Variants in MUC3A observed in about 807,000 individuals in gnomAD.
MUC3A encodes the protein mucin-3A.
In MUC3A, 109 loss-of-function variants were observed where a neutral mutation model predicts 109.0. The ratio of observed to expected loss-of-function variants is 1.00; its 90% CI spans 0.86 to 1.17. The LOEUF is 1.17. MUC3A is among the 50% of genes most tolerant of loss of function. The pLI, the probability that MUC3A is intolerant of heterozygous loss-of-function variation, is 0.00. For missense variants in MUC3A, 3,537 were observed against 2,469.4 expected (o/e 1.43, Z -9.16); for synonymous variants, 1,398 against 981.4 (o/e 1.42, Z -7.93).
chr7:100,959,461 C>G lies in MUC3A; in HGVS notation c.7682C>G (p.Thr2561Ser). The change falls in exon 2 of 12, where the codon ACC becomes AGC. Residue 2561 changes from threonine to serine, a missense_variant. Physicochemically the swap from Thr to Ser is moderately conservative, Grantham distance 58. Transcript: ENST00000379458. ...ATGACCCTCAGAATTACTGAGAACA[C>G]CCCAATCAGTTCCTTTAGCACAAGT... ...VRMTLRITENTPISSFSTSIV... is the reference protein window; with the variant it reads ...VRMTLRITENSPISSFSTSIV... The G allele has an allele frequency of 6.4e-7, 1 of 1,570,106 alleles. No homozygotes were observed. Among genetic ancestry groups the G allele is most frequent in the Non-Finnish European group, 8.6e-7 (1 of 1,167,722 alleles).
chr7:100,966,332 G>A (rs1207823862), intron 8 of MUC3A, 54 bp from the exon 9 acceptor site: 3 of 1,264,426 alleles, frequency 2.4e-6, no homozygotes, highest in African/African-American at 1.6e-5. Flanking sequence ...CCAGGTGCAC[G>A]GGTGGACCCC....
intron 3 of MUC3A, among the ~76,000 whole-genome samples, chr7:100,962,557 G>C (rs1054716456): frequency 6.6e-6 from 1 of 152,308 alleles, no homozygotes; most frequent in East Asian, 1.9e-4. Context: ...AGCCAGGAGG[G>C]ACCACAGGCT....
intron 5 of MUC3A, 124 bp downstream of exon 5, chr7:100,963,876 G>A (rs1445978905): frequency 8.6e-6 from 12 of 1,400,138 alleles, no homozygotes; most frequent in African/African-American, 5.7e-5. Context: ...GGGTACATAA[G>A]GAATCACTCC....
Position 100,958,296 on chromosome 7 carries a change from C to A in MUC3A, c.6517C>A (p.His2173Asn). The change falls in exon 2 of 12, where the codon CAC (histidine) becomes AAC (asparagine). Residue 2173 changes from histidine (H) to asparagine (N), a missense_variant. Transcript: ENST00000379458. ...GATCACCACCACGGAGACCACCTCA[C>A]ACAGGTGGGGGACCACCGAGACCAC... is the stretch of plus-strand genomic sequence containing the variant. The part of the protein sequence containing the change: ...SLITTTETTS[H>N]RWGTTETTSY... The A allele has an allele frequency of 4.9e-6, 1 of 205,980 alleles. No individual in the cohort carries two copies. The highest frequency in any genetic ancestry group is 2.1e-4 in the African/African-American group (1 of 4,852). 12.8% of individuals were successfully genotyped at this position (205,980 alleles called of 1,614,324 possible).
chr7:100,962,007 C>T (rs1357944391), intron 3 of MUC3A, among the ~76,000 whole-genome samples: 3 of 31,192 alleles, frequency 9.6e-5, no homozygotes, highest in Admixed American at 1.1e-3. Flanking sequence ...CCGAGGCGGG[C>T]GGATCACGAG....
chr7:100,964,772 A>G lies in MUC3A; in HGVS notation c.9311A>G (p.Gln3104Arg), dbSNP rs759045599. 1 of 1,598,460 alleles carries G rather than the reference A, an allele frequency of 6.3e-7. No individual in the cohort carries two copies. The highest frequency in any genetic ancestry group is 1.1e-5 in the South Asian group (1 of 91,088). The stretch of plus-strand genomic sequence containing the variant: ...CCCCAGCTGGAGAGCGAGTATGAGC[A>G]GGTGAAGACCACGCTGAAGGAGGGG... ...FSPQLESEYE[Q>R]VKTTLKEGLQ... The change falls in exon 6 of 12, where the codon CAG becomes CGG. Residue 3104 changes from glutamine (Q) to arginine (R), a missense_variant. Gln to Arg is a conservative substitution (Grantham distance 43). Transcript: ENST00000379458.
Position 100,965,752 on chromosome 7 carries a change from CCT to C in MUC3A, c.9498_9499del (p.Leu3167GlyfsTer109). The C allele has an allele frequency of 1.3e-6, 2 of 1,598,454 alleles. No homozygotes were observed. The highest frequency in any genetic ancestry group is 1.7e-6 in the Non-Finnish European group (2 of 1,179,788). ...ACGGGCTATGAAGAGTTCTACTTCC[CCT>C]TGGTGGAGGCCACCCGGCTCCGCTG... On this transcript the variant is annotated frameshift_variant, in exon 8 of 12. Transcript: ENST00000379458. LOFTEE classifies it high-confidence loss of function.
intron 9 of MUC3A, 25 bp from the exon 10 acceptor site, chr7:100,966,627 C>G: frequency 6.3e-7 from 1 of 1,598,472 alleles, no homozygotes; most frequent in Non-Finnish European, 8.5e-7. Context: ...CCGGCTCTGT[C>G]TGACCGCGCG....
At chr7:100,961,498 C>T (rs1454020184) in intron 3 of MUC3A, among the ~76,000 whole-genome samples, 1 of 149,156 alleles carries the variant, frequency 6.7e-6, no homozygotes, top group Non-Finnish European at 1.5e-5. Context: ...GATAACTTTG[C>T]CTCCTCCCCA....
At position 100,957,797 on chromosome 7, in the gene MUC3A, T is replaced by C. The variant is rs1792141826; in HGVS notation, c.6018T>C (p.Thr2006=). ...ITTTTTTSHS[T]PSFTSSITTT... The stretch of plus-strand genomic sequence containing the variant: ...CAACCACCACCACCTCACACAGTAC[T>C]CCCAGCTTCACTTCTTCCATCACCA... The change falls in exon 2 of 12, where the codon ACT becomes ACC. Residue 2006 remains threonine, a synonymous_variant. Transcript: ENST00000379458. 7.2e-6 allele frequency: 8 copies of C among 1,114,688 alleles called. No homozygotes were observed. Among genetic ancestry groups the C allele is most frequent in the Middle Eastern group, 3.9e-4 (2 of 5,146 alleles). 69.0% of individuals were successfully genotyped at this position (1,114,688 alleles called of 1,614,324 possible). A position where few individuals can be genotyped will look rare whatever the true frequency, so the allele number is the denominator to read the frequency against.
rs560200763 is a variant in MUC3A, at chr7:100,959,728, C to A, written c.7949C>A (p.Thr2650Asn). 4 of 1,598,420 alleles carry A rather than the reference C, an allele frequency of 2.5e-6. No homozygotes were observed. In the East Asian group the frequency reaches 8.9e-5, roughly 36 times the overall value. ...QTTPSTPSLQ[T>N]SLTSTSEFTT... is the part of the protein sequence containing the mutation. ...ACTCCTTCTACTCCCTCATTGCAAA[C>A]TTCACTCACATCTACAAGTGAGTTC... The change falls in exon 2 of 12, where the codon ACT (threonine) becomes AAT (asparagine). Residue 2650 changes from threonine to asparagine, a missense_variant. Transcript: ENST00000379458.
chr7:100,955,168 C>G lies in MUC3A; in HGVS notation c.3389C>G (p.Thr1130Arg), dbSNP rs1217177120. 2 of 578,914 alleles carry G rather than the reference C, an allele frequency of 3.5e-6. No individual in the cohort carries two copies. Among genetic ancestry groups the G allele is most frequent in the Non-Finnish European group, 6.1e-6 (2 of 329,138 alleles). 35.9% of individuals were successfully genotyped at this position (578,914 alleles called of 1,614,324 possible). A position where few individuals can be genotyped will look rare whatever the true frequency, so the allele number is the denominator to read the frequency against. Residue 1130 changes from threonine to arginine, a missense_variant, in exon 2 of 12, where the codon ACA (threonine) becomes AGA (arginine). Transcript: ENST00000379458. ...TCTTCCTCTCTCCCAACCACAGAAACAGCCACGATGACTCCTACCACAACC... is the reference window on the plus strand; with the variant it reads ...TCTTCCTCTCTCCCAACCACAGAAAGAGCCACGATGACTCCTACCACAACC... Reference protein sequence around the residue: ...PTSSSLPTTETATMTPTTTLI... With the variant: ...PTSSSLPTTERATMTPTTTLI...
At chr7:100,961,125 G>T (rs2116206877) in intron 3 of MUC3A, 188 bp downstream of exon 3, 1 of 966,270 alleles carries the variant, frequency 1.0e-6, no homozygotes, top group Non-Finnish European at 1.2e-6. Flanking sequence ...CTTAGGAGGT[G>T]GCTGGGACTA....
At position 100,963,140 on chromosome 7, in the gene MUC3A, G is replaced by C. The variant is rs1367258940; in HGVS notation, c.9053-11G>C. On this transcript the variant is annotated splice_polypyrimidine_tract_variant and intron_variant, in intron 3 of 11. Transcript: ENST00000379458. ...CAGAGAAGTGACTGGGGACATGCAT[G>C]CTCTGTGTAGATGTAGTGGAGACCG... The C allele has an allele frequency of 8.1e-6, 13 of 1,597,540 alleles. No homozygotes were observed. The highest frequency in any genetic ancestry group is 7.6e-6 in the Non-Finnish European group (9 of 1,179,470).
At position 100,966,436 on chromosome 7, in the gene MUC3A, C is replaced by A; in HGVS notation, c.9662C>A (p.Ala3221Asp). Residue 3221 changes from alanine (A) to aspartate (D), a missense_variant, in exon 9 of 12, where the codon GCC (alanine) becomes GAC (aspartate). Coordinates refer to ENST00000379458, the MANE Select transcript of MUC3A (RefSeq NM_005960.2). The stretch of plus-strand genomic sequence containing the variant: ...TTCTCTGGCCCGCGCTGCGAGGTGG[C>A]CGTCCACTGGAGGGCGCTGGTCGGG... Reference protein sequence around the residue: ...HWFSGPRCEVAVHWRALVGGL... With the variant: ...HWFSGPRCEVDVHWRALVGGL... 1 of 1,349,292 alleles carries A rather than the reference C, an allele frequency of 7.4e-7. No individual in the cohort carries two copies. The highest frequency in any genetic ancestry group is 9.5e-7 in the Non-Finnish European group (1 of 1,057,970). The allele number at this position is 1,349,292 out of a possible 1,614,324, so 83.6% of individuals were successfully genotyped here.
rs1461062018 is a variant in MUC3A at position 100,956,065 on chromosome 7, C to T, written c.4286C>T (p.Thr1429Ile). 2.2e-6 allele frequency: 1 copy of T among 447,566 alleles called. No homozygotes were observed. Among genetic ancestry groups the T allele is most frequent in the African/African-American group, 2.0e-5 (1 of 49,510 alleles). The allele number at this position is 447,566 out of a possible 1,614,324, so 27.7% of individuals were successfully genotyped here. Reference sequence around the variant, plus strand: ...TTATCTTCTACACCTGTCCCAAGCACAGAGGTGACCACCAGTCATACCACA... The same window carrying T: ...TTATCTTCTACACCTGTCCCAAGCATAGAGGTGACCACCAGTCATACCACA... ...SILSSTPVPS[T>I]EVTTSHTTNT... is the part of the protein sequence containing the mutation. The change falls in exon 2 of 12, where the codon ACA (threonine) becomes ATA (isoleucine). Residue 1429 changes from threonine (T) to isoleucine (I), a missense_variant. Thr to Ile is a moderately conservative substitution (Grantham distance 89, BLOSUM62 -1). Coordinates refer to ENST00000379458, the MANE Select transcript of MUC3A (RefSeq NM_005960.2).
At position 100,965,222 on chromosome 7, in the gene MUC3A, C is replaced by G. The variant is rs1358985376; in HGVS notation, c.9383-60C>G. 5 of 1,567,168 alleles carry G rather than the reference C, an allele frequency of 3.2e-6. No homozygotes were observed. The East Asian group carries it at 6.9e-5, about 21-fold the overall frequency. On this transcript the variant is annotated intron_variant, in intron 6 of 11. Transcript: ENST00000379458. Reference sequence around the variant, plus strand: ...GCCTATCCTGCCTCCTGGCGCTAACCCCTTGACCTTAACCCCTTGATCTGC... The same window carrying G: ...GCCTATCCTGCCTCCTGGCGCTAACGCCTTGACCTTAACCCCTTGATCTGC...
Position 100,967,624 on chromosome 7 carries a change from C to G in MUC3A, c.*462C>G, listed in dbSNP as rs1291823449. On this transcript the variant is annotated 3_prime_UTR_variant, in exon 12 of 12. Coordinates refer to ENST00000379458, the MANE Select transcript of MUC3A (RefSeq NM_005960.2). ...TCTCTCAATTCCCTACTGCCTGTTT[C>G]TTACTTTGAACCTGGAGGCAGCCTG... 3.6e-6 allele frequency: 1 copy of G among 278,656 alleles called. No individual in the cohort carries two copies. 17.3% of individuals were successfully genotyped at this position (278,656 alleles called of 1,614,324 possible). A position where few individuals can be genotyped will look rare whatever the true frequency, so the allele number is the denominator to read the frequency against.
Position 100,959,399 on chromosome 7 carries a change from T to C in MUC3A, c.7620T>C (p.Leu2540=), listed in dbSNP as rs1584805731. 5.2e-6 allele frequency: 8 copies of C among 1,537,290 alleles called. No individual in the cohort carries two copies. Among genetic ancestry groups the C allele is most frequent in the Non-Finnish European group, 6.9e-6 (8 of 1,152,748 alleles). Residue 2540 remains leucine, a synonymous_variant, in exon 2 of 12, where the codon CTT becomes CTC. Coordinates refer to ENST00000379458, the MANE Select transcript of MUC3A (RefSeq NM_005960.2). ...PSIQSTETSS[L]VGTTSPTMST... Reference sequence around the variant, plus strand: ...TCCAAAGTACAGAAACCTCATCCCTTGTGGGCACCACCTCTCCCACCATGT... The same window carrying C: ...TCCAAAGTACAGAAACCTCATCCCTCGTGGGCACCACCTCTCCCACCATGT...
Sources: allele counts gnomAD v4.1 joint callset (sites outside exome capture counted in the v4.1 genomes callset), GRCh38; gene constraint gnomAD v4.1.1; transcripts MANE v1.5; gene names NCBI Gene and HGNC (gene_info 2026-07-23, HGNC 2026-07-21).